ZFPM2: variants seen among roughly 807,000 people sequenced by gnomAD.
The protein encoded by ZFPM2 is zinc finger protein ZFPM2.
ZFPM2 carries 20 observed loss-of-function variants against 98.6 expected under a neutral mutation model. The observed-to-expected ratio is 0.20, with a 90% CI of 0.14 to 0.29. The LOEUF (loss-of-function observed/expected upper bound fraction) is 0.29. ZFPM2 is among the 10% of genes least tolerant of loss of function. The pLI is 1.00. For missense variants in ZFPM2, 1,310 were observed against 1,388.6 expected (o/e 0.94, Z 0.90); for synonymous variants, 518 against 502.7 (o/e 1.03, Z -0.41).
At chr8:105,430,582 G>T (rs1389082314) in intron 2 of ZFPM2, among the ~76,000 whole-genome samples, 1 of 152,180 alleles carries the variant, frequency 6.6e-6, no homozygotes, top group African/African-American at 2.4e-5. Context: ...TGAAACTCTG[G>T]AAAATGCTGT....
At chr8:105,368,221 C>T (rs1586320942) in intron 1 of ZFPM2, among the ~76,000 whole-genome samples, 1 of 150,198 alleles carries the variant, frequency 6.7e-6, no homozygotes, top group South Asian at 2.2e-4. Flanking sequence ...GCTTTGGTAT[C>T]AGAATGATGC....
intron 5 of ZFPM2, among the ~76,000 whole-genome samples, chr8:105,769,020 T>G (rs144301198): frequency 1.3e-4 from 20 of 152,112 alleles, no homozygotes; most frequent in African/African-American, 4.3e-4. Context: ...CCTAGAGATT[T>G]GCAAGTCCTG....
intron 1 of ZFPM2, among the ~76,000 whole-genome samples, chr8:105,369,783 T>C (rs1170004063): frequency 6.6e-6 from 1 of 152,130 alleles, no homozygotes; most frequent in Non-Finnish European, 1.5e-5. Context: ...AAAGGACCTA[T>C]ACTATGTAGT....
chr8:105,613,752 C>T (rs1252203386), intron 4 of ZFPM2, among the ~76,000 whole-genome samples: 1 of 151,944 alleles, frequency 6.6e-6, no homozygotes, highest in Admixed American at 6.6e-5. Context: ...AGAACTTGGC[C>T]ACGTTTCAGA....
At chr8:105,393,318 T>C (rs1811144012) in intron 1 of ZFPM2, among the ~76,000 whole-genome samples, 1 of 79,510 alleles carries the variant, frequency 1.3e-5, no homozygotes, top group Non-Finnish European at 2.6e-5. Context: ...CCTTTCTTCC[T>C]TCCCTCTCTC....
At chr8:105,511,653 A>G (rs1813820110) in intron 3 of ZFPM2, among the ~76,000 whole-genome samples, 1 of 152,254 alleles carries the variant, frequency 6.6e-6, no homozygotes, top group African/African-American at 2.4e-5. Flanking sequence ...TTTAGTTGGT[A>G]TAAGTTTGGT....
chr8:105,505,894 C>T (rs1466590017), intron 3 of ZFPM2, among the ~76,000 whole-genome samples: 1 of 151,920 alleles, frequency 6.6e-6, no homozygotes, highest in African/African-American at 2.4e-5. Flanking sequence ...ATATTTTAGC[C>T]TGTGTTTGAT....
intron 1 of ZFPM2, among the ~76,000 whole-genome samples, chr8:105,336,327 C>T (rs1189175417): frequency 6.6e-6 from 1 of 151,536 alleles, no homozygotes; most frequent in Non-Finnish European, 1.5e-5. Flanking sequence ...AGAACAGCAC[C>T]AGGTATGCAC....
intron 3 of ZFPM2, among the ~76,000 whole-genome samples, chr8:105,543,889 A>G (rs548835659): frequency 6.6e-6 from 1 of 152,304 alleles, no homozygotes; most frequent in East Asian, 1.9e-4. Context: ...CTTAACGTTG[A>G]CATTAGTCAG....
chr8:105,584,294 A>G (rs1286767158), intron 4 of ZFPM2, among the ~76,000 whole-genome samples: 2 of 152,010 alleles, frequency 1.3e-5, no homozygotes, highest in Non-Finnish European at 2.9e-5. Context: ...TTTTTTTTCT[A>G]AAGTTTCTAA....
At chr8:105,435,473 G>A (rs1175888113) in intron 2 of ZFPM2, among the ~76,000 whole-genome samples, 1 of 152,142 alleles carries the variant, frequency 6.6e-6, no homozygotes, top group African/African-American at 2.4e-5. Context: ...TGTTAAATGA[G>A]TTCCTAGCTC....
At chr8:105,355,138 A>T (rs1365205833) in intron 1 of ZFPM2, among the ~76,000 whole-genome samples, 1 of 152,326 alleles carries the variant, frequency 6.6e-6, no homozygotes, top group East Asian at 1.9e-4. Flanking sequence ...TTGTAAAATC[A>T]TTTAAAAATT....
At chr8:105,768,970 A>G (rs908569694) in intron 5 of ZFPM2, among the ~76,000 whole-genome samples, 5 of 151,914 alleles carry the variant, frequency 3.3e-5, no homozygotes, top group Admixed American at 6.6e-5. Flanking sequence ...AATACTTACA[A>G]TCTCATGAGA....
At chr8:105,412,891 G>T (rs1412057809) in intron 1 of ZFPM2, among the ~76,000 whole-genome samples, 1 of 151,750 alleles carries the variant, frequency 6.6e-6, no homozygotes, top group African/African-American at 2.4e-5. Context: ...AAGAAAGTCT[G>T]TGTGTAGCAG....
chr8:105,449,112 T>C (rs1179823129), intron 3 of ZFPM2, among the ~76,000 whole-genome samples: 1 of 152,092 alleles, frequency 6.6e-6, no homozygotes, highest in Non-Finnish European at 1.5e-5. Flanking sequence ...TTCAGTATGC[T>C]AATTCTCGGA....
chr8:105,658,579 T>A (rs2130882065), intron 5 of ZFPM2, among the ~76,000 whole-genome samples: 1 of 13,800 alleles, frequency 7.2e-5, no homozygotes, highest in East Asian at 1.9e-3. Context: ...ACAGCGAGAC[T>A]CCGTCTCAAA....
Position 105,436,911 on chromosome 8 carries a change from A to G in ZFPM2, c.200-7369A>G, listed in dbSNP as rs1812131748. Among the ~76,000 whole-genome samples, 5 of 152,214 alleles carry G rather than the reference A, an allele frequency of 3.3e-5. No individual in the cohort carries two copies. In the South Asian group the frequency reaches 1.0e-3, roughly 32 times the overall value. On this transcript the variant is annotated intron_variant, in intron 2 of 7. Coordinates refer to ENST00000407775, the MANE Select transcript of ZFPM2 (RefSeq NM_012082.4). ...GAATCTGATCTTGATGACATGATCT[A>G]TACCTTATTCATCTTTATGATTTCA...
intron 3 of ZFPM2, among the ~76,000 whole-genome samples, chr8:105,520,049 A>G (rs747666484): frequency 2.6e-5 from 4 of 152,144 alleles, no homozygotes; most frequent in African/African-American, 4.8e-5. Flanking sequence ...TTTTGTTAGG[A>G]ACAGAAATAT....
chr8:105,738,069 T>C (rs954417697), intron 5 of ZFPM2, among the ~76,000 whole-genome samples: 1 of 152,020 alleles, frequency 6.6e-6, no homozygotes, highest in African/African-American at 2.4e-5. Context: ...GTTTGTTGTA[T>C]AACTAAACTT....
Sources: gnomAD v4.1 joint callset for allele counts (sites outside exome capture counted in the v4.1 genomes callset) on GRCh38, gnomAD v4.1.1 for gene constraint, MANE v1.5 for transcripts, NCBI Gene and HGNC (gene_info 2026-07-23, HGNC 2026-07-21) for gene names.